The following CEP63 variants were observed in gnomAD, a reference collection of about 807,000 sequenced individuals.
CEP63 encodes centrosomal protein of 63 kDa.
A neutral mutation model predicts 89.1 loss-of-function variants in CEP63; 84 were observed. The observed-to-expected ratio is 0.94, with a 90% CI of 0.79 to 1.13. The LOEUF (loss-of-function observed/expected upper bound fraction) is 1.13. Among genes scored for constraint, CEP63 ranks in the 50% most tolerant of loss-of-function variants. The probability of loss-of-function intolerance (pLI) is 0.00; values close to 1 mark genes in which losing one functional copy is unlikely to be tolerated. For synonymous variants in CEP63, 267 were observed against 272.5 expected (o/e 0.98, Z 0.20); for missense variants, 838 against 813.3 (o/e 1.03, Z -0.37).
chr3:134,764,568 T>C, the CEP63 span, among the ~76,000 whole-genome samples: 1 of 152,326 alleles, frequency 6.6e-6, no homozygotes, highest in African/African-American at 2.4e-5. Flanking sequence ...GGGCAGTACA[T>C]AGACTTTGGA....
the CEP63 span, among the ~76,000 whole-genome samples, chr3:134,610,958 C>T: frequency 2.0e-5 from 3 of 152,170 alleles, no homozygotes; most frequent in African/African-American, 7.2e-5. Flanking sequence ...AGGATGCCTG[C>T]AGGGGAACCC....
At chr3:134,620,899 G>A in the CEP63 span, 1 of 1,171,914 alleles carries the variant, frequency 8.5e-7, no homozygotes, top group Non-Finnish European at 1.3e-6. Context: ...GCCTCGAGGA[G>A]GGGCTGTTGG....
intron 3 of CEP63, among the ~76,000 whole-genome samples, chr3:134,509,235 A>G (rs1291224968): frequency 6.6e-6 from 1 of 152,176 alleles, no homozygotes; most frequent in Non-Finnish European, 1.5e-5. Context: ...GCGGAAGGCA[A>G]AGGGAAAGCA....
At chr3:134,567,081 C>T (rs1329688229), downstream of CEP63, among the ~76,000 whole-genome samples, 1 of 144,632 alleles carries the variant, frequency 6.9e-6, no homozygotes. Context: ...TATTTGGGAG[C>T]AAAAAGATTT....
chr3:134,651,683 C>T, the CEP63 span: 11 of 898,590 alleles, frequency 1.2e-5, no homozygotes, highest in African/African-American at 2.0e-4. Context: ...TAACGATCCT[C>T]TTTGATCTGA....
At chr3:134,517,801 T>TA (rs1461829899) in intron 3 of CEP63, among the ~76,000 whole-genome samples, 2 of 152,008 alleles carry the variant, frequency 1.3e-5, no homozygotes, top group Admixed American at 6.6e-5. Context: ...GCAGATAAAA[T>TA]ATCTCAGAGG....
intron 3 of CEP63, among the ~76,000 whole-genome samples, chr3:134,527,662 C>T (rs1948942470): frequency 6.6e-6 from 1 of 152,168 alleles, no homozygotes; most frequent in Non-Finnish European, 1.5e-5. Context: ...AATGTACAGG[C>T]TGGTGCATAG....
chr3:134,538,533 G>GTATATATATATATATA (rs1404514000), intron 6 of CEP63, among the ~76,000 whole-genome samples: 1 of 101,372 alleles, frequency 9.9e-6, no homozygotes. Context: ...GTGTGTGTGT[G>GTATATATATATATATA]TATATATATA....
At chr3:134,530,574 T>A (rs149638312) in intron 3 of CEP63, among the ~76,000 whole-genome samples, 1 of 152,198 alleles carries the variant, frequency 6.6e-6, no homozygotes, top group Non-Finnish European at 1.5e-5. Flanking sequence ...TTTTTAAAAA[T>A]AGAAGTTTTA....
intron 7 of CEP63, 89 bp from the exon 8 acceptor site, chr3:134,546,060 A>G: frequency 5.0e-6 from 7 of 1,410,778 alleles, no homozygotes; most frequent in Non-Finnish European, 6.8e-6. Context: ...AATTGTAATA[A>G]TAGCTGGCTT....
At chr3:134,530,022 C>T (rs896332399) in intron 3 of CEP63, among the ~76,000 whole-genome samples, 2 of 151,702 alleles carry the variant, frequency 1.3e-5, no homozygotes, top group Non-Finnish European at 2.9e-5. Context: ...TACAGGCACC[C>T]GCCACCACAC....
At chr3:134,683,057 T>G in the CEP63 span, among the ~76,000 whole-genome samples, 1 of 152,158 alleles carries the variant, frequency 6.6e-6, no homozygotes, top group African/African-American at 2.4e-5. Flanking sequence ...TTTGTGGAAA[T>G]GATGAGATAG....
the CEP63 span, among the ~76,000 whole-genome samples, chr3:134,655,225 C>T: frequency 2.8e-4 from 43 of 152,206 alleles, no homozygotes; most frequent in African/African-American, 1.0e-3. Flanking sequence ...TGTGGTTTCA[C>T]AGTTGGAGAT....
intron 2 of CEP63, among the ~76,000 whole-genome samples, chr3:134,502,005 C>T (rs970766436): frequency 7.9e-5 from 12 of 152,076 alleles, no homozygotes; most frequent in Admixed American, 3.9e-4. Flanking sequence ...TCGGTTCCTT[C>T]GATGCCTAGT....
chr3:134,643,465 G>C, the CEP63 span: 6 of 1,195,348 alleles, frequency 5.0e-6, no homozygotes, highest in Non-Finnish European at 7.4e-6. Flanking sequence ...TTGCGGGAAA[G>C]GTGGGCTGGC....
chr3:134,647,492 G>A, the CEP63 span: 1 of 1,607,698 alleles, frequency 6.2e-7, no homozygotes, highest in Non-Finnish European at 8.5e-7. Flanking sequence ...CCAACACCTT[G>A]GAATCCTGCA....
chr3:134,617,470 G>A, the CEP63 span, among the ~76,000 whole-genome samples: 2 of 152,116 alleles, frequency 1.3e-5, no homozygotes, highest in African/African-American at 4.8e-5. Context: ...AAATATAGAC[G>A]TATACAATCG....
chr3:134,625,220 CTGT>C, the CEP63 span: 1 of 1,006,930 alleles, frequency 9.9e-7, no homozygotes, highest in Non-Finnish European at 1.5e-6. Context: ...CTTTGAGGAG[CTGT>C]GACTGTCCAA....
At chr3:134,620,603 T>A in the CEP63 span, 6 of 624,392 alleles carry the variant, frequency 9.6e-6, no homozygotes, top group East Asian at 1.4e-4. Flanking sequence ...CCTTGGTTAC[T>A]CTCTGGTTCA....
Sources: gnomAD v4.1 joint callset for allele counts (sites outside exome capture counted in the v4.1 genomes callset) on GRCh38, gnomAD v4.1.1 for gene constraint, MANE v1.5 for transcripts, NCBI Gene and HGNC (gene_info 2026-07-23, HGNC 2026-07-21) for gene names.